RNF128: variants seen among roughly 807,000 people sequenced by gnomAD.
The protein encoded by RNF128 is ring finger protein 128.
A neutral mutation model predicts 26.2 loss-of-function variants in RNF128; 13 were observed. That is an observed-to-expected ratio of 0.50 (90% CI 0.32 to 0.79). The LOEUF is 0.79. Ranked by LOEUF, RNF128 falls within the 30% of genes least tolerant of loss-of-function variation. The pLI is 0.03. For synonymous variants in RNF128, 149 were observed against 142.5 expected (o/e 1.05, Z -0.32); for missense variants, 315 against 349.7 (o/e 0.90, Z 0.79).
chrX:106,780,322 G>T (rs1215391254), intron 2 of RNF128, among the ~76,000 whole-genome samples: 1 of 111,497 alleles, frequency 9.0e-6, no homozygotes, highest in Non-Finnish European at 1.9e-5. Flanking sequence ...AATGATCATT[G>T]GTTTGACATT....
Position 106,765,837 on chromosome X carries a change from A to C in RNF128, c.485-7076A>C, listed in dbSNP as rs373991994. On this transcript the variant is annotated intron_variant, in intron 1 of 6. Transcript: ENST00000255499. Reference sequence around the variant, plus strand: ...ACCCATTAACTAACTCGTCATTTATATTAGGTTTATCTCCTAATGCTATCC... The same window carrying C: ...ACCCATTAACTAACTCGTCATTTATCTTAGGTTTATCTCCTAATGCTATCC... Among the ~76,000 whole-genome samples the C allele has an allele frequency of 5.4e-5, 6 of 110,436 alleles. No homozygotes were observed. In the East Asian group the frequency reaches 1.7e-3, roughly 31 times the overall value.
Position 106,795,747 on chromosome X carries a change from A to G in RNF128, c.*34A>G. 1 of 1,121,646 alleles carries G rather than the reference A, an allele frequency of 8.9e-7. No individual in the cohort carries two copies. The highest frequency in any genetic ancestry group is 1.2e-6 in the Non-Finnish European group (1 of 834,447). The allele number at this position is 1,121,646 out of a possible 1,213,427, so 92.4% of individuals were successfully genotyped here. A position where few individuals can be genotyped will look rare whatever the true frequency, so the allele number is the denominator to read the frequency against. On this transcript the variant is annotated 3_prime_UTR_variant, in exon 7 of 7. Transcript: ENST00000255499. ...TAAATAGAAAACTTGAACCATTAGT[A>G]ATAACAGAACTGCCAATCAGGGCCT... is the stretch of plus-strand genomic sequence containing the variant.
intron 1 of RNF128, among the ~76,000 whole-genome samples, chrX:106,741,629 A>G (rs1168994584): frequency 8.9e-6 from 1 of 112,261 alleles, no homozygotes; most frequent in Non-Finnish European, 1.9e-5. Context: ...CCATCTTTAT[A>G]TAGAGAGAGG....
intron 1 of RNF128, among the ~76,000 whole-genome samples, chrX:106,755,789 C>A (rs746209301): frequency 1.8e-5 from 2 of 110,971 alleles, no homozygotes; most frequent in African/African-American, 6.6e-5. Flanking sequence ...AAGAGGAAGT[C>A]AAATTGTCCC....
chrX:106,735,623 T>A (rs2147672416), intron 1 of RNF128, among the ~76,000 whole-genome samples: 1 of 111,723 alleles, frequency 9.0e-6, no homozygotes, highest in South Asian at 3.8e-4. Flanking sequence ...TATTGATAGA[T>A]CCTAAAGAAA....
intron 1 of RNF128, 122 bp from the exon 2 acceptor site, chrX:106,772,791 A>C (rs1250659339): frequency 1.8e-5 from 13 of 708,348 alleles, no homozygotes; most frequent in Non-Finnish European, 2.5e-5. Flanking sequence ...CAAAAATGTT[A>C]ATTGAATGAA....
rs191795411 is a variant in RNF128, at chrX:106,787,002, G to T, written c.805-916G>T. Among the ~76,000 whole-genome samples the T allele has an allele frequency of 9.0e-5, 10 of 111,274 alleles. No homozygotes were observed. In the East Asian group the frequency reaches 2.8e-3, roughly 31 times the overall value. ...CTGGTACACTCATTCATTTGCTGGT[G>T]AGAATGCAAAATGTATAGCCAATTT... is the stretch of plus-strand genomic sequence containing the variant. On this transcript the variant is annotated intron_variant, in intron 3 of 6. Transcript: ENST00000255499.
At chrX:106,790,921 A>G in intron 5 of RNF128, 145 bp from the exon 6 acceptor site, 4 of 512,485 alleles carry the variant, frequency 7.8e-6, no homozygotes, top group Non-Finnish European at 1.3e-5. Context: ...CTAACAAGAG[A>G]CTTGTGATCA....
Position 106,772,993 on chromosome X carries a change from G to A in RNF128, c.565G>A (p.Val189Met). Residue 189 changes from valine to methionine, a missense_variant, in exon 2 of 7, where the codon GTG (valine) becomes ATG (methionine). Coordinates refer to ENST00000255499, the MANE Select transcript of RNF128 (RefSeq NM_194463.2). ...GCAATCTATTCAAAGAGGCATACAA[G>A]TGACAATGGTCATAGAAGTAGGGAA... ...ILQSIQRGIQ[V>M]TMVIEVGKKH... The A allele has an allele frequency of 8.3e-7, 1 of 1,211,308 alleles. No homozygotes were observed. The highest frequency in any genetic ancestry group is 1.8e-5 in the South Asian group (1 of 56,970).
intron 6 of RNF128, 53 bp downstream of exon 6, chrX:106,791,287 A>G: frequency 5.5e-6 from 6 of 1,084,714 alleles, no homozygotes; most frequent in Non-Finnish European, 7.5e-6. Context: ...TGTAGATCAT[A>G]TGCCTGTATA....
In RNF128 at chrX:106,769,004, G is replaced by A. The variant is rs763323144; in HGVS notation, c.485-3909G>A. Reference sequence around the variant, plus strand: ...TAGTCATTCAGGAGCAGGTTGTTCAGTTTCCATGTGGTTGTGTGGTTTTGA... The same window carrying A: ...TAGTCATTCAGGAGCAGGTTGTTCAATTTCCATGTGGTTGTGTGGTTTTGA... On this transcript the variant is annotated intron_variant, in intron 1 of 6. Coordinates refer to ENST00000255499, the MANE Select transcript of RNF128 (RefSeq NM_194463.2). 4.5e-5 allele frequency among the ~76,000 whole-genome samples: 5 copies of A among 112,133 alleles called. No individual in the cohort carries two copies. In the South Asian group the frequency reaches 1.9e-3, roughly 42 times the overall value.
intron 1 of RNF128, among the ~76,000 whole-genome samples, chrX:106,706,508 A>C (rs778842720): frequency 8.9e-6 from 1 of 112,049 alleles, no homozygotes; most frequent in Non-Finnish European, 1.9e-5. Flanking sequence ...TCAAGCATGC[A>C]TGGCTTCTAC....
At chrX:106,693,938 C>A in exon 1 of RNF128, 1 of 1,026,174 alleles carries the variant, frequency 9.7e-7, no homozygotes, top group Non-Finnish European at 1.3e-6. Flanking sequence ...CGTGAGTGGA[C>A]AATGGTGACT....
intron 2 of RNF128, among the ~76,000 whole-genome samples, chrX:106,778,822 T>G (rs894270320): frequency 1.8e-5 from 2 of 112,187 alleles, no homozygotes; most frequent in African/African-American, 6.5e-5. Context: ...TTTTAAAATC[T>G]GTCCTTCAAC....
At chrX:106,728,489 G>T (rs774913188) in intron 1 of RNF128, among the ~76,000 whole-genome samples, 38 of 112,268 alleles carry the variant, frequency 3.4e-4, no homozygotes, top group African/African-American at 1.1e-3. Context: ...AGAGTTTAGT[G>T]CAGTAAAGCA....
chrX:106,770,040 T>A (rs1045488341), intron 1 of RNF128, among the ~76,000 whole-genome samples: 1 of 111,472 alleles, frequency 9.0e-6, no homozygotes, highest in Admixed American at 9.5e-5. Context: ...AAATTGTGGG[T>A]TGAAAATTCT....
chrX:106,694,937 G>T (rs191972577), intron 1 of RNF128, among the ~76,000 whole-genome samples: 1 of 111,292 alleles, frequency 9.0e-6, no homozygotes, highest in East Asian at 2.8e-4. Context: ...AAACGAATCT[G>T]CAAAAACGTG....
chrX:106,710,771 A>T (rs967679829), intron 1 of RNF128, among the ~76,000 whole-genome samples: 1 of 94,837 alleles, frequency 1.1e-5, no homozygotes, highest in Non-Finnish European at 2.2e-5. Context: ...AAAAAAAAAA[A>T]GCTGATCTGG....
At chrX:106,709,038 A>G (rs1381280343) in intron 1 of RNF128, among the ~76,000 whole-genome samples, 2 of 111,608 alleles carry the variant, frequency 1.8e-5, no homozygotes, top group Non-Finnish European at 3.8e-5. Context: ...TTTCTTTATC[A>G]TGGAATGAGT....
Sources: gnomAD v4.1 joint callset for allele counts (sites outside exome capture counted in the v4.1 genomes callset) on GRCh38, gnomAD v4.1.1 for gene constraint, MANE v1.5 for transcripts, NCBI Gene and HGNC (gene_info 2026-07-23, HGNC 2026-07-21) for gene names.